The following HRH2 variants were observed in gnomAD, a reference collection of about 807,000 sequenced individuals.
HRH2 encodes the protein histamine H2 receptor.
A neutral mutation model predicts 20.1 loss-of-function variants in HRH2; 4 were observed. The ratio of observed to expected loss-of-function variants is 0.20; its 90% CI spans 0.10 to 0.45. The LOEUF (loss-of-function observed/expected upper bound fraction) is 0.45. HRH2 is among the 20% of genes least tolerant of loss of function. HRH2 has a pLI of 0.99. For synonymous variants in HRH2, 197 were observed against 200.7 expected (o/e 0.98, Z 0.16); for missense variants, 250 against 461.6 (o/e 0.54, Z 4.20).
chr5:175,658,763 C>A lies in HRH2; in HGVS notation c.-526+608C>A, dbSNP rs539666152. 2.0e-5 allele frequency among the ~76,000 whole-genome samples: 3 copies of A among 152,244 alleles called. No homozygotes were observed. The South Asian group carries it at 6.2e-4, about 32-fold the overall frequency. ...CAGGCAGCGCTCAGCGGGTGGGAGT[C>A]CTTGCTGGGGACATCTGGACGTGGA... On this transcript the variant is annotated intron_variant, in intron 1 of 2. Transcript: ENST00000636584.
chr5:175,683,980 C>G lies in HRH2; in HGVS notation c.747C>G (p.Pro249=). 6.2e-7 allele frequency: 1 copy of G among 1,614,184 alleles called. No homozygotes were observed. Among genetic ancestry groups the G allele is most frequent in the Non-Finnish European group, 8.5e-7 (1 of 1,180,036 alleles). Residue 249 remains proline (P), a synonymous_variant, in exon 2 of 3, where the codon CCC becomes CCG. Coordinates refer to ENST00000636584, the MANE Select transcript of HRH2 (RefSeq NM_001367711.1). ...GGGCCTTCATCATCTGCTGGTTTCCCTACTTCACCGCGTTTGTGTACCGTG... is the reference window on the plus strand; with the variant it reads ...GGGCCTTCATCATCTGCTGGTTTCCGTACTTCACCGCGTTTGTGTACCGTG... The part of the protein sequence containing the change: ...VMGAFIICWF[P]YFTAFVYRGL...
At position 175,710,691 on chromosome 5, in the gene HRH2, T is replaced by A. The variant is rs1246262356; in HGVS notation, c.*2720T>A. On this transcript the variant is annotated 3_prime_UTR_variant, in exon 3 of 3. Coordinates refer to ENST00000636584, the MANE Select transcript of HRH2 (RefSeq NM_001367711.1). Reference sequence around the variant, plus strand: ...GTGCATGCTGCCTGGAGGAGGAACATCTGTGGTGGGACCCCAAATCCATGT... The same window carrying A: ...GTGCATGCTGCCTGGAGGAGGAACAACTGTGGTGGGACCCCAAATCCATGT... 1.3e-5 allele frequency: 2 copies of A among 152,222 alleles called. No individual in the cohort carries two copies. Among genetic ancestry groups the A allele is most frequent in the Non-Finnish European group, 2.9e-5 (2 of 68,042 alleles). 9.4% of individuals were successfully genotyped at this position (152,222 alleles called of 1,614,324 possible). A position where few individuals can be genotyped will look rare whatever the true frequency, so the allele number is the denominator to read the frequency against.
At chr5:175,697,988 T>C (rs952755036) in intron 2 of HRH2, among the ~76,000 whole-genome samples, 2 of 152,196 alleles carry the variant, frequency 1.3e-5, no homozygotes, top group Non-Finnish European at 2.9e-5. Context: ...GAAATGGCCA[T>C]ACAATCTTGC....
intron 1 of HRH2, among the ~76,000 whole-genome samples, chr5:175,660,759 G>A (rs567447913): frequency 1.3e-5 from 2 of 152,262 alleles, no homozygotes; most frequent in South Asian, 4.1e-4. Flanking sequence ...CTACAATATA[G>A]ACTGAATTGC....
rs562917111 is a variant in HRH2, at chr5:175,686,886, G to A, written c.1076+2577G>A. Among the ~76,000 whole-genome samples, 1 of 152,326 alleles carries A rather than the reference G, an allele frequency of 6.6e-6. No individual in the cohort carries two copies. The highest frequency in any genetic ancestry group is 2.1e-4 in the South Asian group (1 of 4,826). On this transcript the variant is annotated intron_variant, in intron 2 of 2. Transcript: ENST00000636584. This position sits in a 1 kb window ranked among gnomAD's most constrained non-coding sequence, Gnocchi z 4.7. ...TCTGAGCAACAACAGAAATAGCAGC[G>A]CCTGCCGCAGACTGTCCTCCAGGCT... is the stretch of plus-strand genomic sequence containing the variant.
intron 1 of HRH2, among the ~76,000 whole-genome samples, chr5:175,670,384 TC>T (rs1344356896): frequency 6.6e-6 from 1 of 152,214 alleles, no homozygotes; most frequent in African/African-American, 2.4e-5. Context: ...CCAACAGCAC[TC>T]CTCAGTAGAC....
intron 2 of HRH2, among the ~76,000 whole-genome samples, chr5:175,695,971 C>T (rs932274322): frequency 6.6e-6 from 1 of 152,244 alleles, no homozygotes; most frequent in Non-Finnish European, 1.5e-5. Flanking sequence ...CGCTCAACAG[C>T]CCAGGTGATT....
chr5:175,690,433 G>A (rs950228221), intron 2 of HRH2, among the ~76,000 whole-genome samples: 11 of 152,328 alleles, frequency 7.2e-5, no homozygotes, highest in South Asian at 4.1e-4. Flanking sequence ...CAGAAAAGGT[G>A]TAAGGGGCGC....
intron 2 of HRH2, among the ~76,000 whole-genome samples, chr5:175,689,492 G>A (rs909668448): frequency 6.6e-6 from 1 of 152,206 alleles, no homozygotes; most frequent in African/African-American, 2.4e-5. Context: ...ATAAATGAAT[G>A]AGTGGATGTC....
At chr5:175,676,844 C>T (rs1236713601) in intron 1 of HRH2, among the ~76,000 whole-genome samples, 1 of 152,210 alleles carries the variant, frequency 6.6e-6, no homozygotes, top group Admixed American at 6.5e-5. Flanking sequence ...TCCAGTTGCA[C>T]TGGAGGATAT....
intron 2 of HRH2, 124 bp downstream of exon 2, chr5:175,684,433 A>C: frequency 7.4e-7 from 1 of 1,345,438 alleles, no homozygotes; most frequent in Non-Finnish European, 1.0e-6. Context: ...CTTCATGAGC[A>C]CTTTGTAAAC....
At chr5:175,673,708 T>G (rs1192447744) in intron 1 of HRH2, among the ~76,000 whole-genome samples, 1,872 of 150,622 alleles carry the variant, frequency 0.012, 45 homozygotes, top group African/African-American at 0.044. Context: ...TTTTTTTTTT[T>G]GTTTTTTTTT....
At chr5:175,705,100 T>C (rs1756903867) in intron 2 of HRH2, among the ~76,000 whole-genome samples, 1 of 152,166 alleles carries the variant, frequency 6.6e-6, no homozygotes, top group Non-Finnish European at 1.5e-5. Context: ...CTCAATATTA[T>C]AAAGATGTTT....
rs1453006730 is a variant in HRH2, at chr5:175,687,978, C to T, written c.1076+3669C>T. Among the ~76,000 whole-genome samples, 1 of 152,188 alleles carries T rather than the reference C, an allele frequency of 6.6e-6. No homozygotes were observed. Among genetic ancestry groups the T allele is most frequent in the Non-Finnish European group, 1.5e-5 (1 of 68,034 alleles). ...AAGGTGTTAGCAGGGCTGGTTCCTT[C>T]TGAAGGCTTCCAGAGAGCCTCCCTT... On this transcript the variant is annotated intron_variant, in intron 2 of 2. Transcript: ENST00000636584. The surrounding 1 kb of genome is among the most constrained non-coding windows in gnomAD (Gnocchi z 5.2).
intron 1 of HRH2, among the ~76,000 whole-genome samples, chr5:175,661,552 C>T (rs1762738017): frequency 6.6e-6 from 1 of 152,214 alleles, no homozygotes. Context: ...CCACGGCCTA[C>T]ACTCCTAATC....
Position 175,707,977 on chromosome 5 carries a change from G to T in HRH2, c.*6G>T. On this transcript the variant is annotated 3_prime_UTR_variant, in exon 3 of 3. Coordinates refer to ENST00000636584, the MANE Select transcript of HRH2 (RefSeq NM_001367711.1). ...TGCCCTCTGAGGCTGTCTAGACCTA[G>T]CCCCAGGACACTGAAGATACCGCTC... 2.5e-6 allele frequency: 1 copy of T among 399,070 alleles called. No individual in the cohort carries two copies. The highest frequency in any genetic ancestry group is 4.4e-6 in the Non-Finnish European group (1 of 226,120). The allele number at this position is 399,070 out of a possible 1,614,324, so 24.7% of individuals were successfully genotyped here.
At chr5:175,665,781 T>A (rs573711886) in intron 1 of HRH2, among the ~76,000 whole-genome samples, 1 of 151,330 alleles carries the variant, frequency 6.6e-6, no homozygotes, top group African/African-American at 2.4e-5. Context: ...TGGGCAAGAG[T>A]GGTTAGAAAA....
intron 1 of HRH2, among the ~76,000 whole-genome samples, chr5:175,678,677 G>A (rs1160992693): frequency 6.6e-6 from 1 of 152,252 alleles, no homozygotes; most frequent in Non-Finnish European, 1.5e-5. Context: ...CGGTCGCTGC[G>A]TGGATGCAGG....
chr5:175,676,814 G>A (rs1755775955), intron 1 of HRH2, among the ~76,000 whole-genome samples: 2 of 152,228 alleles, frequency 1.3e-5, no homozygotes, highest in African/African-American at 4.8e-5. Flanking sequence ...ACTGCTGAGT[G>A]AGAACGTGCA....
Sources: allele counts gnomAD v4.1 joint callset (sites outside exome capture counted in the v4.1 genomes callset), GRCh38; gene constraint gnomAD v4.1.1; non-coding constraint Gnocchi (gnomAD v3.1); transcripts MANE v1.5; gene names NCBI Gene and HGNC (gene_info 2026-07-23, HGNC 2026-07-21).